The following XRN1 variants were observed in gnomAD, a reference collection of about 807,000 sequenced individuals.
XRN1 encodes the protein strand-exchange protein 1 homolog.
XRN1 carries 67 observed loss-of-function variants against 222.3 expected under a neutral mutation model. The observed-to-expected ratio is 0.30, with a 90% CI of 0.25 to 0.37. XRN1 has a LOEUF of 0.37. XRN1 is among the 10% of genes least tolerant of loss of function. The probability of loss-of-function intolerance (pLI) is 1.00; values close to 1 mark genes in which losing one functional copy is unlikely to be tolerated. For synonymous variants in XRN1, 643 were observed against 652.4 expected, an observed-to-expected ratio of 0.99 and a Z score of 0.22; for missense variants, 1,707 against 2,000.2, an observed-to-expected ratio of 0.85 and a Z score of 2.80.
Position 142,310,149 on chromosome 3 carries a change from T to C in XRN1, c.*1362A>G, listed in dbSNP as rs1033671558. The C allele has an allele frequency of 1.3e-5, 2 of 152,612 alleles. No homozygotes were observed. The highest frequency in any genetic ancestry group is 4.8e-5 in the African/African-American group (2 of 41,448). 9.5% of individuals were successfully genotyped at this position (152,612 alleles called of 1,614,324 possible). A position where few individuals can be genotyped will look rare whatever the true frequency, so the allele number is the denominator to read the frequency against. ...AGTGAAAGGAGTCCATTTAGTTTAA[T>C]ACCAGCATTTTAAAAAACAAGTAAG... is the stretch of plus-strand genomic sequence containing the variant. On this transcript the variant is annotated 3_prime_UTR_variant, in exon 41 of 41. Coordinates refer to ENST00000392981, the MANE Select transcript of XRN1 (RefSeq NM_001282857.2).
At chr3:142,429,205 T>C (rs969762058) in intron 2 of XRN1, among the ~76,000 whole-genome samples, 2 of 147,948 alleles carry the variant, frequency 1.4e-5, no homozygotes, top group Non-Finnish European at 3.0e-5. Context: ...TGGAGTGCAG[T>C]GGTGTGATCT....
intron 25 of XRN1, among the ~76,000 whole-genome samples, chr3:142,374,100 T>C (rs557117522): frequency 1.3e-5 from 2 of 152,286 alleles, no homozygotes; most frequent in African/African-American, 4.8e-5. Context: ...TCTCCAGACA[T>C]GCAAGTTTTC....
At chr3:142,392,338 T>TA (rs1559844039) in intron 20 of XRN1, among the ~76,000 whole-genome samples, 1 of 152,064 alleles carries the variant, frequency 6.6e-6, no homozygotes, top group Non-Finnish European at 1.5e-5. Flanking sequence ...TTTTTTTTTT[T>TA]TTATTATACT....
chr3:142,381,000 A>G (rs1265643321), intron 22 of XRN1, among the ~76,000 whole-genome samples: 4 of 95,982 alleles, frequency 4.2e-5, no homozygotes, highest in Non-Finnish European at 9.0e-5. Flanking sequence ...ATAATTTCAA[A>G]GTACCAAAAA....
chr3:142,412,503 T>G, intron 15 of XRN1, 41 bp downstream of exon 15: 1 of 1,516,966 alleles, frequency 6.6e-7, no homozygotes, highest in Non-Finnish European at 8.9e-7. Context: ...AGTCTCTGAT[T>G]AAGAATGTAT....
At chr3:142,380,246 C>G (rs2067263197) in intron 22 of XRN1, 66 bp from the exon 23 acceptor site, 1 of 1,344,474 alleles carries the variant, frequency 7.4e-7, no homozygotes, top group South Asian at 1.3e-5. Flanking sequence ...CTTATTTGAA[C>G]ACTATTATTT....
At chr3:142,383,536 T>C (rs1559835853) in intron 21 of XRN1, 123 bp from the exon 22 acceptor site, 1 of 784,484 alleles carries the variant, frequency 1.3e-6, no homozygotes, top group South Asian at 1.9e-5. Flanking sequence ...TTCTACATAA[T>C]GCCAAGAGCT....
At chr3:142,375,981 C>CACAG in intron 24 of XRN1, 37 bp from the exon 25 acceptor site, 4 of 1,498,878 alleles carry the variant, frequency 2.7e-6, no homozygotes, top group Non-Finnish European at 3.6e-6. Context: ...CGTGCACACA[C>CACAG]ACACACACAC....
chr3:142,318,520 C>T (rs775846210), intron 39 of XRN1, 72 bp downstream of exon 39: 145 of 1,346,266 alleles, frequency 1.1e-4, no homozygotes, highest in Non-Finnish European at 1.4e-4. Context: ...TGAGTACATT[C>T]TTGATTTCTT....
chr3:142,380,261 A>C, intron 22 of XRN1, 81 bp from the exon 23 acceptor site: 1 of 1,169,344 alleles, frequency 8.6e-7, no homozygotes. Flanking sequence ...TTATTTTTGA[A>C]ATACAGTATG....
intron 1 of XRN1, among the ~76,000 whole-genome samples, chr3:142,434,559 T>A (rs1014767866): frequency 6.6e-6 from 1 of 151,342 alleles, no homozygotes; most frequent in Non-Finnish European, 1.5e-5. Flanking sequence ...TCCAAAGTTT[T>A]CCTAGGAGAA....
chr3:142,402,180 T>TC (rs1192577647), intron 18 of XRN1, among the ~76,000 whole-genome samples: 1 of 152,082 alleles, frequency 6.6e-6, no homozygotes, highest in East Asian at 1.9e-4. Context: ...AAATAGCCTT[T>TC]CTTTTTTTTT....
chr3:142,348,898 C>T (rs945900694), intron 32 of XRN1, among the ~76,000 whole-genome samples: 2 of 152,084 alleles, frequency 1.3e-5, no homozygotes, highest in Non-Finnish European at 2.9e-5. Flanking sequence ...CCTTGGCCTC[C>T]CAAAGTGCTG....
chr3:142,366,992 A>G (rs1046116117), intron 27 of XRN1, among the ~76,000 whole-genome samples: 6 of 152,194 alleles, frequency 3.9e-5, no homozygotes, highest in Admixed American at 3.9e-4. Flanking sequence ...AGCTTATTAG[A>G]AATGCAGAAT....
chr3:142,385,831 T>C (rs2067480207), intron 20 of XRN1, among the ~76,000 whole-genome samples: 1 of 152,060 alleles, frequency 6.6e-6, no homozygotes, highest in South Asian at 2.1e-4. Flanking sequence ...AGGTTGATCA[T>C]TTAGCTCACT....
intron 29 of XRN1, among the ~76,000 whole-genome samples, chr3:142,362,203 T>C (rs2066659692): frequency 1.3e-5 from 2 of 152,132 alleles, no homozygotes; most frequent in Non-Finnish European, 2.9e-5. Context: ...AGTGGCATGA[T>C]CTCGGCTCAC....
At chr3:142,394,877 A>G (rs2067871443) in intron 20 of XRN1, among the ~76,000 whole-genome samples, 1 of 152,210 alleles carries the variant, frequency 6.6e-6, no homozygotes, top group African/African-American at 2.4e-5. Context: ...TAGGTACATC[A>G]TATGTGCTTA....
chr3:142,343,882 A>T (rs781261788), intron 33 of XRN1, among the ~76,000 whole-genome samples: 1 of 152,224 alleles, frequency 6.6e-6, no homozygotes, highest in Non-Finnish European at 1.5e-5. Flanking sequence ...GTACATATAC[A>T]CAATGGAGTA....
intron 33 of XRN1, among the ~76,000 whole-genome samples, chr3:142,347,024 G>A (rs1436224586): frequency 6.6e-6 from 1 of 152,124 alleles, no homozygotes; most frequent in African/African-American, 2.4e-5. Flanking sequence ...CTGCTAATAG[G>A]TATGGTGTTT....
Sources: allele counts gnomAD v4.1 joint callset (sites outside exome capture counted in the v4.1 genomes callset), GRCh38; gene constraint gnomAD v4.1.1; transcripts MANE v1.5; gene names NCBI Gene and HGNC (gene_info 2026-07-23, HGNC 2026-07-21).